The following TMEM132D variants were observed in gnomAD, a reference collection of about 807,000 sequenced individuals.
The protein encoded by TMEM132D is mature OL transmembrane protein.
TMEM132D carries 21 observed loss-of-function variants against 62.3 expected under a neutral mutation model. The observed-to-expected ratio is 0.34, with a 90% CI of 0.24 to 0.49. The LOEUF is 0.49. Among genes scored for constraint, TMEM132D ranks in the 20% least tolerant of loss-of-function variants. The pLI is 0.99. For missense variants in TMEM132D, 1,346 were observed against 1,402.8 expected, an observed-to-expected ratio of 0.96 and a Z score of 0.65; for synonymous variants, 621 against 575.6, an observed-to-expected ratio of 1.08 and a Z score of -1.13.
chr12:129,243,553 T>G (rs568164278), intron 4 of TMEM132D, among the ~76,000 whole-genome samples: 35 of 152,282 alleles, frequency 2.3e-4, no homozygotes, highest in Admixed American at 1.2e-3. Context: ...ATATTTTTTT[T>G]GCAACAGATA....
Position 129,670,671 on chromosome 12 carries a change from C to A in TMEM132D, c.968+29139G>T, listed in dbSNP as rs143494579. Among the ~76,000 whole-genome samples, 721 of 152,324 alleles carry A rather than the reference C, an allele frequency of 4.7e-3. 2 individuals are homozygous for A. Among genetic ancestry groups the A allele is most frequent in the Non-Finnish European group, 7.3e-3 (498 of 68,034 alleles). On this transcript the variant is annotated intron_variant, in intron 2 of 8. Coordinates refer to ENST00000422113, the MANE Select transcript of TMEM132D (RefSeq NM_133448.3). ...ATAATAAAACTCTGGTCTCCCACAG[C>A]AGGCTCTGTGTGAATTACTCTTCCT...
chr12:129,864,578 C>G (rs1176739813), intron 1 of TMEM132D, among the ~76,000 whole-genome samples: 1 of 152,138 alleles, frequency 6.6e-6, no homozygotes, highest in Non-Finnish European at 1.5e-5. Flanking sequence ...CTGGAAGCCA[C>G]CACATAAGGA....
At chr12:129,509,151 A>G (rs561421608) in intron 3 of TMEM132D, among the ~76,000 whole-genome samples, 1 of 152,254 alleles carries the variant, frequency 6.6e-6, no homozygotes, top group Non-Finnish European at 1.5e-5. Flanking sequence ...TGCCAGCTGA[A>G]ATTTTCTGAG....
intron 2 of TMEM132D, among the ~76,000 whole-genome samples, chr12:129,675,870 C>G (rs1303898437): frequency 1.3e-5 from 2 of 152,150 alleles, no homozygotes; most frequent in East Asian, 1.9e-4. Flanking sequence ...CAGGGAAAAA[C>G]TTAACCATAG....
At chr12:129,759,878 G>A (rs1870293087) in intron 1 of TMEM132D, among the ~76,000 whole-genome samples, 1 of 151,808 alleles carries the variant, frequency 6.6e-6, no homozygotes, top group Non-Finnish European at 1.5e-5. Context: ...TAAATATTTG[G>A]TGGTGCTGTG....
chr12:129,131,199 A>T (rs1876365294), intron 5 of TMEM132D, among the ~76,000 whole-genome samples: 1 of 152,242 alleles, frequency 6.6e-6, no homozygotes, highest in Non-Finnish European at 1.5e-5. Flanking sequence ...ATAAGTATGT[A>T]TGCACACACA....
chr12:129,442,721 C>T (rs1378031640), intron 3 of TMEM132D, among the ~76,000 whole-genome samples: 2 of 152,132 alleles, frequency 1.3e-5, no homozygotes, highest in African/African-American at 4.8e-5. Flanking sequence ...CCATGCCCAG[C>T]CTCATGTAAG....
rs147805666 is a variant in TMEM132D at position 129,082,911 on chromosome 12, G to A, written c.1650-879C>T. Among the ~76,000 whole-genome samples the A allele has an allele frequency of 9.7e-4, 148 of 151,802 alleles. 2 individuals are homozygous for A. The East Asian group carries it at 0.025, about 26-fold the overall frequency. ...GCCTGGCTAATTTTTAAAATTTTAT[G>A]TAGAGATGTGGTCTTGCTGTGTTGC... is the stretch of plus-strand genomic sequence containing the variant. On this transcript the variant is annotated intron_variant, in intron 6 of 8. Coordinates refer to ENST00000422113, the MANE Select transcript of TMEM132D (RefSeq NM_133448.3).
chr12:129,862,536 A>G (rs1275785209), intron 1 of TMEM132D, among the ~76,000 whole-genome samples: 1 of 152,140 alleles, frequency 6.6e-6, no homozygotes, highest in East Asian at 1.9e-4. Flanking sequence ...TCCATTTCCA[A>G]TAGGTTCAGA....
chr12:129,489,923 T>C (rs1244575334), intron 3 of TMEM132D, among the ~76,000 whole-genome samples: 1 of 152,186 alleles, frequency 6.6e-6, no homozygotes, highest in East Asian at 1.9e-4. Flanking sequence ...TCACTATACA[T>C]CTGTCAATAA....
chr12:129,265,644 A>G (rs1361239482), intron 4 of TMEM132D, among the ~76,000 whole-genome samples: 1 of 150,696 alleles, frequency 6.6e-6, no homozygotes. Context: ...ATGTCTTTCA[A>G]CTCCAGCTGT....
chr12:129,836,053 C>T (rs1320375624), intron 1 of TMEM132D, among the ~76,000 whole-genome samples: 1 of 152,190 alleles, frequency 6.6e-6, no homozygotes, highest in Non-Finnish European at 1.5e-5. Flanking sequence ...TCCCAGTACC[C>T]AGCACATCCT....
At chr12:129,633,020 A>C (rs996141274) in intron 2 of TMEM132D, among the ~76,000 whole-genome samples, 8 of 152,248 alleles carry the variant, frequency 5.3e-5, no homozygotes, top group African/African-American at 1.9e-4. Context: ...AGGGGTAAGT[A>C]GGATGCTTGG....
intron 2 of TMEM132D, among the ~76,000 whole-genome samples, chr12:129,620,114 C>T (rs1879025301): frequency 6.6e-6 from 1 of 152,234 alleles, no homozygotes; most frequent in Non-Finnish European, 1.5e-5. Context: ...TTCGATTCTG[C>T]ACATCCTTTC....
chr12:129,130,356 C>A (rs1354530502), intron 5 of TMEM132D, among the ~76,000 whole-genome samples: 1 of 152,138 alleles, frequency 6.6e-6, no homozygotes, highest in East Asian at 1.9e-4. Context: ...CGCCACAGGA[C>A]TTGCGGAATC....
At chr12:129,534,336 G>T (rs1876318302) in intron 2 of TMEM132D, among the ~76,000 whole-genome samples, 1 of 151,738 alleles carries the variant, frequency 6.6e-6, no homozygotes, top group Non-Finnish European at 1.5e-5. Context: ...ACTGTGATTG[G>T]GTATCAACAA....
intron 1 of TMEM132D, among the ~76,000 whole-genome samples, chr12:129,747,131 C>T (rs1434607378): frequency 6.6e-6 from 1 of 152,018 alleles, no homozygotes; most frequent in Non-Finnish European, 1.5e-5. Context: ...TCATAACCGC[C>T]CACAAGGCCC....
At chr12:129,901,602 C>T (rs1407029158) in intron 1 of TMEM132D, among the ~76,000 whole-genome samples, 1 of 152,170 alleles carries the variant, frequency 6.6e-6, no homozygotes, top group Non-Finnish European at 1.5e-5. Context: ...AAGAGGCTTC[C>T]ACATCACACA....
intron 2 of TMEM132D, among the ~76,000 whole-genome samples, chr12:129,656,846 T>A (rs1880097135): frequency 6.6e-6 from 1 of 152,166 alleles, no homozygotes; most frequent in Admixed American, 6.5e-5. Flanking sequence ...AAGTTAAGTA[T>A]CTCATCTGAT....
Sources: allele counts gnomAD v4.1 joint callset (sites outside exome capture counted in the v4.1 genomes callset), GRCh38; gene constraint gnomAD v4.1.1; transcripts MANE v1.5; gene names NCBI Gene and HGNC (gene_info 2026-07-23, HGNC 2026-07-21).